The following TNNI3K variants were observed in gnomAD, a reference collection of about 807,000 sequenced individuals.
TNNI3K encodes the protein serine/threonine-protein kinase TNNI3K.
TNNI3K carries 140 observed loss-of-function variants against 114.5 expected under a neutral mutation model. The observed-to-expected ratio is 1.22, with a 90% CI of 1.07 to 1.41. The LOEUF is 1.41. Among genes scored for constraint, TNNI3K ranks in the 40% most tolerant of loss-of-function variants. The pLI is 0.00. For synonymous variants in TNNI3K, 347 were observed against 347.5 expected (o/e 1.00, Z 0.02); for missense variants, 1,125 against 1,007.6 (o/e 1.12, Z -1.58).
At chr1:74,368,981 G>GT (rs764257717) in intron 13 of TNNI3K, 41 bp from the exon 14 acceptor site, 24 of 1,551,332 alleles carry the variant, frequency 1.5e-5, no homozygotes, top group Non-Finnish European at 2.0e-5. Flanking sequence ...CATGTGTGTG[G>GT]TTTTTACCTT....
At position 74,259,324 on chromosome 1, in the gene TNNI3K, G is replaced by A. The variant is rs112520216; in HGVS notation, c.333+8555G>A. Reference sequence around the variant, plus strand: ...TGTAAATCCTATTCTGAGTCTAAAGGCCCAAGAACGAGGATCAGTGATGTC... The same window carrying A: ...TGTAAATCCTATTCTGAGTCTAAAGACCCAAGAACGAGGATCAGTGATGTC... On this transcript the variant is annotated intron_variant, in intron 4 of 24. Coordinates refer to ENST00000326637, the MANE Select transcript of TNNI3K (RefSeq NM_015978.3). 2.4e-3 allele frequency among the ~76,000 whole-genome samples: 366 copies of A among 152,274 alleles called. 3 individuals carry two copies. Among genetic ancestry groups the A allele is most frequent in the African/African-American group, 8.4e-3 (347 of 41,556 alleles).
chr1:74,423,885 G>T (rs550458627), intron 17 of TNNI3K, among the ~76,000 whole-genome samples: 1 of 151,986 alleles, frequency 6.6e-6, no homozygotes, highest in African/African-American at 2.4e-5. Context: ...ACTATGCCCC[G>T]CACAGAGTAA....
chr1:74,276,681 GA>G (rs1389057691), intron 5 of TNNI3K, among the ~76,000 whole-genome samples: 1 of 152,050 alleles, frequency 6.6e-6, no homozygotes, highest in Admixed American at 6.6e-5. Context: ...CTTTCTCTGT[GA>G]AACAATAGCT....
intron 21 of TNNI3K, among the ~76,000 whole-genome samples, chr1:74,487,270 A>T (rs1181288151): frequency 6.6e-6 from 1 of 152,190 alleles, no homozygotes; most frequent in East Asian, 1.9e-4. Context: ...TGGCCTGAGA[A>T]TCAGGCAAAT....
chr1:74,271,079 A>AT (rs950618480), intron 4 of TNNI3K, among the ~76,000 whole-genome samples: 84 of 22,698 alleles, frequency 3.7e-3, no homozygotes, highest in Middle Eastern at 0.02. Context: ...AGATTTAATG[A>AT]TATTATTTAT....
chr1:74,363,605 C>T (rs1326958402), intron 11 of TNNI3K, among the ~76,000 whole-genome samples: 1 of 151,946 alleles, frequency 6.6e-6, no homozygotes, highest in African/African-American at 2.4e-5. Context: ...CAACTTTCTG[C>T]TTCATTGGGG....
chr1:74,271,850 G>T lies in TNNI3K; in HGVS notation c.444+142G>T, dbSNP rs541896171. 2.5e-4 allele frequency: 152 copies of T among 598,552 alleles called. 2 individuals are homozygous for T. The highest frequency in any genetic ancestry group is 3.8e-4 in the Non-Finnish European group (135 of 359,886). 37.1% of individuals were successfully genotyped at this position (598,552 alleles called of 1,614,324 possible). A position where few individuals can be genotyped will look rare whatever the true frequency, so the allele number is the denominator to read the frequency against. On this transcript the variant is annotated intron_variant, in intron 5 of 24. Coordinates refer to ENST00000326637, the MANE Select transcript of TNNI3K (RefSeq NM_015978.3). ...ACTGAACACATTGGGGTAAAATTTA[G>T]CTGTATAAATGAGCTTTGGATAGTC...
At chr1:74,337,988 A>G (rs1660561814) in intron 7 of TNNI3K, among the ~76,000 whole-genome samples, 2 of 152,084 alleles carry the variant, frequency 1.3e-5, no homozygotes, top group South Asian at 4.1e-4. Context: ...TATTATGAAT[A>G]CAATTGCCAG....
At chr1:74,493,709 C>G (rs1451127733) in intron 23 of TNNI3K, among the ~76,000 whole-genome samples, 1 of 152,160 alleles carries the variant, frequency 6.6e-6, no homozygotes, top group Non-Finnish European at 1.5e-5. Flanking sequence ...GTCTATCAAC[C>G]TCCTTGGACA....
Position 74,343,108 on chromosome 1 carries a change from G to T in TNNI3K, c.861G>T (p.Lys287Asn), listed in dbSNP as rs1395649721. ...ACAATGGCAAATTTGAAGTTGCCAAGGAAATCATCCAAATATCAGGAACAG... is the reference window on the plus strand; with the variant it reads ...ACAATGGCAAATTTGAAGTTGCCAATGAAATCATCCAAATATCAGGAACAG... ...ACYNGKFEVA[K>N]EIIQISGTES... Residue 287 changes from lysine (K) to asparagine (N), a missense_variant, in exon 9 of 25, where the codon AAG (lysine) becomes AAT (asparagine). Coordinates refer to ENST00000326637, the MANE Select transcript of TNNI3K (RefSeq NM_015978.3). 6.2e-7 allele frequency: 1 copy of T among 1,613,368 alleles called. No homozygotes were observed.
chr1:74,540,018 T>C (rs1448247143), intron 23 of TNNI3K, among the ~76,000 whole-genome samples: 5 of 152,140 alleles, frequency 3.3e-5, no homozygotes, highest in African/African-American at 1.2e-4. Context: ...CCGCTAGAAA[T>C]TGTAACCTAT....
intron 17 of TNNI3K, among the ~76,000 whole-genome samples, chr1:74,401,658 C>T (rs998716155): frequency 2.0e-5 from 3 of 152,118 alleles, no homozygotes; most frequent in Non-Finnish European, 4.4e-5. Flanking sequence ...AAATATAATT[C>T]TCCCATTAGG....
intron 23 of TNNI3K, among the ~76,000 whole-genome samples, chr1:74,496,306 C>T (rs970288804): frequency 3.3e-5 from 5 of 152,172 alleles, no homozygotes; most frequent in Admixed American, 1.3e-4. Flanking sequence ...TGACTTATTA[C>T]GTGCATCATC....
intron 17 of TNNI3K, among the ~76,000 whole-genome samples, chr1:74,421,947 G>A (rs1665415250): frequency 1.7e-5 from 2 of 120,460 alleles, no homozygotes; most frequent in South Asian, 6.3e-4. Flanking sequence ...GCCCTGGATT[G>A]CTTTTATTAT....
At chr1:74,292,132 C>T (rs907610992) in intron 5 of TNNI3K, among the ~76,000 whole-genome samples, 5 of 151,166 alleles carry the variant, frequency 3.3e-5, no homozygotes, top group East Asian at 1.9e-4. Context: ...CTCTTTTTGT[C>T]GGTCTTATCA....
chr1:74,508,400 G>A (rs978901704), intron 23 of TNNI3K, among the ~76,000 whole-genome samples: 3 of 152,136 alleles, frequency 2.0e-5, no homozygotes, highest in Admixed American at 6.5e-5. Context: ...AATAAAGAAG[G>A]TATTATGATT....
intron 17 of TNNI3K, among the ~76,000 whole-genome samples, chr1:74,421,435 A>G (rs1241290279): frequency 6.6e-6 from 1 of 152,158 alleles, no homozygotes; most frequent in Non-Finnish European, 1.5e-5. Flanking sequence ...CTGGCAAGGT[A>G]GCTCTTAGAG....
At chr1:74,242,157 T>C (rs1239496516) in intron 2 of TNNI3K, among the ~76,000 whole-genome samples, 1 of 152,070 alleles carries the variant, frequency 6.6e-6, no homozygotes, top group Non-Finnish European at 1.5e-5. Context: ...CCCAGAAAAG[T>C]TGTAATTTTT....
chr1:74,369,624 G>A (rs200735592), intron 16 of TNNI3K, 39 bp downstream of exon 16: 351 of 1,525,182 alleles, frequency 2.3e-4, no homozygotes, highest in East Asian at 4.3e-4. Flanking sequence ...TGGACATTCC[G>A]TAGAAACTAC....
Sources: gnomAD v4.1 joint callset for allele counts (sites outside exome capture counted in the v4.1 genomes callset) on GRCh38, gnomAD v4.1.1 for gene constraint, MANE v1.5 for transcripts, NCBI Gene and HGNC (gene_info 2026-07-23, HGNC 2026-07-21) for gene names.